The following NPAS2 variants were observed in gnomAD, a reference collection of about 807,000 sequenced individuals.
NPAS2 encodes neuronal PAS domain-containing protein 2.
NPAS2 carries 23 observed loss-of-function variants against 107.5 expected under a neutral mutation model. The ratio of observed to expected loss-of-function variants is 0.21; its 90% CI spans 0.15 to 0.30. The LOEUF is 0.30. Ranked by LOEUF, NPAS2 falls within the 10% of genes least tolerant of loss-of-function variation. The probability of loss-of-function intolerance (pLI) is 1.00; values close to 1 mark genes in which losing one functional copy is unlikely to be tolerated. For missense variants in NPAS2, 756 were observed against 1,043.3 expected (o/e 0.72, Z 3.79); for synonymous variants, 403 against 417.5 (o/e 0.97, Z 0.42).
intron 7 of NPAS2, among the ~76,000 whole-genome samples, chr2:100,957,518 CTT>C (rs1256099519): frequency 6.6e-6 from 1 of 152,280 alleles, no homozygotes; most frequent in East Asian, 1.9e-4. Flanking sequence ...AATTCCATCT[CTT>C]GCTTCTCCAG....
At chr2:100,905,948 AGGGGAGTCT>A (rs1682121567) in intron 2 of NPAS2, among the ~76,000 whole-genome samples, 1 of 152,188 alleles carries the variant, frequency 6.6e-6, no homozygotes, top group South Asian at 2.1e-4. Context: ...GCAAGGCATA[AGGGGAGTCT>A]GGGTTGTTTT....
At chr2:100,890,151 C>G (rs1348199714) in intron 1 of NPAS2, among the ~76,000 whole-genome samples, 1 of 152,190 alleles carries the variant, frequency 6.6e-6, no homozygotes, top group African/African-American at 2.4e-5. Context: ...ACCAGGATGA[C>G]AGCTAGCAAG....
intron 1 of NPAS2, among the ~76,000 whole-genome samples, chr2:100,833,917 C>T (rs528893869): frequency 2.0e-5 from 3 of 152,206 alleles, no homozygotes; most frequent in African/African-American, 4.8e-5. Context: ...TGGTTTTCAA[C>T]GGAACCAGGA....
intron 5 of NPAS2, among the ~76,000 whole-genome samples, chr2:100,938,932 T>C (rs1674399884): frequency 1.3e-5 from 2 of 152,162 alleles, no homozygotes; most frequent in Non-Finnish European, 2.9e-5. Flanking sequence ...GTGGCCAGTT[T>C]ATGTGATGAA....
chr2:100,866,012 C>T (rs72970035), intron 1 of NPAS2, among the ~76,000 whole-genome samples: 5,935 of 152,246 alleles, frequency 0.039, 228 homozygotes, highest in African/African-American at 0.097. Context: ...GTGACCCGCC[C>T]CTCTTCAGTC....
At chr2:100,862,982 C>G (rs1418874831) in intron 1 of NPAS2, among the ~76,000 whole-genome samples, 1 of 152,172 alleles carries the variant, frequency 6.6e-6, no homozygotes, top group Non-Finnish European at 1.5e-5. Flanking sequence ...GGAGTAAGCT[C>G]TGCCTTGCTA....
At chr2:100,873,732 T>C (rs550664836) in intron 1 of NPAS2, among the ~76,000 whole-genome samples, 1 of 152,144 alleles carries the variant, frequency 6.6e-6, no homozygotes, top group Non-Finnish European at 1.5e-5. Context: ...CATTTGTGAG[T>C]GGATTAGGAT....
At chr2:100,940,016 G>T (rs183820313) in intron 5 of NPAS2, among the ~76,000 whole-genome samples, 8 of 152,242 alleles carry the variant, frequency 5.3e-5, no homozygotes, top group Non-Finnish European at 1.0e-4. Context: ...GGTGAGCCTG[G>T]GCCAGGCAGT....
chr2:100,957,256 A>G (rs990152584), intron 7 of NPAS2, among the ~76,000 whole-genome samples: 6 of 152,192 alleles, frequency 3.9e-5, no homozygotes, highest in Non-Finnish European at 7.3e-5. Flanking sequence ...CAGTCTGTGC[A>G]AAGCCTCTTG....
At chr2:100,878,681 A>G (rs1185021428) in intron 1 of NPAS2, 2 of 922,936 alleles carry the variant, frequency 2.2e-6, no homozygotes, top group African/African-American at 3.6e-5. Flanking sequence ...TTTTGGTGGC[A>G]TTGATTTTGT....
intron 1 of NPAS2, among the ~76,000 whole-genome samples, chr2:100,850,680 C>T (rs908842057): frequency 7.9e-5 from 12 of 152,044 alleles, no homozygotes; most frequent in African/African-American, 2.9e-4. Context: ...AGGCCAGGTA[C>T]GGTGGCTCAT....
rs918551935 is a variant in NPAS2 at position 100,921,256 on chromosome 2, C to T, written c.33-3890C>T. 4.6e-5 allele frequency among the ~76,000 whole-genome samples: 7 copies of T among 152,152 alleles called. No individual in the cohort carries two copies. The South Asian group carries it at 6.2e-4, about 13-fold the overall frequency. On this transcript the variant is annotated intron_variant, in intron 2 of 20. Transcript: ENST00000335681. ...TGAGTTACACAGCCTCTCAGTGCCTCGCTCCTTCCCCTTGGAATGGAAATG... is the reference window on the plus strand; with the variant it reads ...TGAGTTACACAGCCTCTCAGTGCCTTGCTCCTTCCCCTTGGAATGGAAATG...
At chr2:100,951,274 A>C (rs1293080336) in intron 7 of NPAS2, among the ~76,000 whole-genome samples, 1 of 152,326 alleles carries the variant, frequency 6.6e-6, no homozygotes, top group East Asian at 1.9e-4. Context: ...TTACGTGTGC[A>C]CTGGTTCCTC....
chr2:100,943,799 G>T (rs115222119), intron 5 of NPAS2, among the ~76,000 whole-genome samples: 1 of 152,142 alleles, frequency 6.6e-6, no homozygotes, highest in Non-Finnish European at 1.5e-5. Flanking sequence ...CTCATCCATG[G>T]GTCTGTGTGG....
intron 2 of NPAS2, among the ~76,000 whole-genome samples, chr2:100,923,939 A>T (rs1450320863): frequency 6.6e-6 from 1 of 152,100 alleles, no homozygotes; most frequent in Non-Finnish European, 1.5e-5. Flanking sequence ...GAGAGCCACG[A>T]TTCCCTACTC....
At chr2:100,836,782 G>A (rs1211697485) in intron 1 of NPAS2, among the ~76,000 whole-genome samples, 1 of 152,164 alleles carries the variant, frequency 6.6e-6, no homozygotes, top group Non-Finnish European at 1.5e-5. Flanking sequence ...CATGTATAAT[G>A]TTGGGGGAAA....
intron 1 of NPAS2, among the ~76,000 whole-genome samples, chr2:100,880,970 T>A (rs1008139940): frequency 1.3e-5 from 2 of 151,700 alleles, no homozygotes; most frequent in African/African-American, 2.4e-5. Context: ...GACTGTAGAG[T>A]GCCTGTCGGG....
At chr2:100,875,852 G>GA (rs1222151320) in intron 1 of NPAS2, among the ~76,000 whole-genome samples, 2 of 152,112 alleles carry the variant, frequency 1.3e-5, no homozygotes, top group Non-Finnish European at 2.9e-5. Context: ...GACGGATGAG[G>GA]AAAAAACACC....
Position 100,976,842 on chromosome 2 carries a change from G to A in NPAS2, c.1393-868G>A, listed in dbSNP as rs1222080970. 4 of 152,106 alleles carry A rather than the reference G, an allele frequency of 2.6e-5. No individual in the cohort carries two copies. Among genetic ancestry groups the A allele is most frequent in the South Asian group, 2.1e-4 (1 of 4,822 alleles). The allele number at this position is 152,106 out of a possible 1,614,324, so 9.4% of individuals were successfully genotyped here. A position where few individuals can be genotyped will look rare whatever the true frequency, so the allele number is the denominator to read the frequency against. ...AGTGCTTCTGTCTCCTCCCAGCTGC[G>A]CAGGGAAACAGAACCCAGACCAGCT... On this transcript the variant is annotated intron_variant, in intron 14 of 20. Transcript: ENST00000335681. The surrounding 1 kb of genome is among the most constrained non-coding windows in gnomAD (Gnocchi z 4.1).
Sources: allele counts gnomAD v4.1 joint callset (sites outside exome capture counted in the v4.1 genomes callset), GRCh38; gene constraint gnomAD v4.1.1; non-coding constraint Gnocchi (gnomAD v3.1); transcripts MANE v1.5; gene names NCBI Gene and HGNC (gene_info 2026-07-23, HGNC 2026-07-21).